PIK3CB: variants seen among roughly 807,000 people sequenced by gnomAD.
PIK3CB encodes the protein phosphatidylinositol 4,5-bisphosphate 3-kinase catalytic subunit beta isoform.
A neutral mutation model predicts 136.8 loss-of-function variants in PIK3CB; 39 were observed. The ratio of observed to expected loss-of-function variants is 0.29; its 90% CI spans 0.22 to 0.37. The LOEUF (loss-of-function observed/expected upper bound fraction) is 0.37, where lower values mean the gene tolerates loss of function less well. Among genes scored for constraint, PIK3CB ranks in the 10% least tolerant of loss-of-function variants. The pLI is 1.00. For synonymous variants in PIK3CB, 428 were observed against 436.6 expected, an observed-to-expected ratio of 0.98 and a Z score of 0.25; for missense variants, 868 against 1,275.4, an observed-to-expected ratio of 0.68 and a Z score of 4.87.
At chr3:138,711,944 G>A (rs940265623) in intron 10 of PIK3CB, among the ~76,000 whole-genome samples, 1 of 150,502 alleles carries the variant, frequency 6.6e-6, no homozygotes, top group Non-Finnish European at 1.5e-5. Flanking sequence ...ACCTTGTCTC[G>A]ACAAAATAAA....
chr3:138,789,629 CCAT>C (rs1395438173), intron 2 of PIK3CB, among the ~76,000 whole-genome samples: 1 of 152,022 alleles, frequency 6.6e-6, no homozygotes, highest in Non-Finnish European at 1.5e-5. Context: ...ACCAGTGTCA[CCAT>C]CAACAGATAC....
Position 138,653,593 on chromosome 3 carries a change from G to A in PIK3CB, c.*1796C>T, listed in dbSNP as rs913733083. On this transcript the variant is annotated 3_prime_UTR_variant, in exon 24 of 24. Coordinates refer to ENST00000674063, the MANE Select transcript of PIK3CB (RefSeq NM_006219.3). ...TAGACAAAGATCTCTGAACAAACCT[G>A]TCCTTCCATAGTTCTATTCCTGGAA... 8.1e-5 allele frequency: 15 copies of A among 184,882 alleles called. No individual in the cohort carries two copies. Among genetic ancestry groups the A allele is most frequent in the African/African-American group, 3.3e-4 (14 of 42,630 alleles). 11.5% of individuals were successfully genotyped at this position (184,882 alleles called of 1,614,324 possible). A position where few individuals can be genotyped will look rare whatever the true frequency, so the allele number is the denominator to read the frequency against.
intron 7 of PIK3CB, among the ~76,000 whole-genome samples, chr3:138,734,411 GACATCAAA>G (rs2045057307): frequency 6.6e-6 from 1 of 151,992 alleles, no homozygotes; most frequent in African/African-American, 2.4e-5. Context: ...GGCAGAAAAA[GACATCAAA>G]AATATAAACG....
rs571226984 is a variant in PIK3CB at position 138,763,840 on chromosome 3, C to T, written c.-16-4481G>A. On this transcript the variant is annotated intron_variant, in intron 2 of 23. Coordinates refer to ENST00000674063, the MANE Select transcript of PIK3CB (RefSeq NM_006219.3). ...AAAATTTCTTGATGAAGGCCAGGCG[C>T]GCTGGCTCATGCCTGCAATCCCAGC... 5.9e-5 allele frequency among the ~76,000 whole-genome samples: 9 copies of T among 152,288 alleles called. No individual in the cohort carries two copies. The South Asian group carries it at 6.2e-4, about 11-fold the overall frequency.
intron 2 of PIK3CB, among the ~76,000 whole-genome samples, chr3:138,790,536 G>A (rs1379329996): frequency 6.6e-6 from 1 of 151,240 alleles, no homozygotes; most frequent in Non-Finnish European, 1.5e-5. Flanking sequence ...CGGGCACGGT[G>A]GCTCATGCCT....
intron 19 of PIK3CB, among the ~76,000 whole-genome samples, chr3:138,678,384 A>C (rs890189391): frequency 6.6e-6 from 1 of 152,174 alleles, no homozygotes; most frequent in Non-Finnish European, 1.5e-5. Context: ...TTTTTTAATA[A>C]GTAAGAATTT....
In PIK3CB at chr3:138,755,788, T is replaced by C. The variant is rs769280208; in HGVS notation, c.363A>G (p.Lys121=). Residue 121 remains lysine (K), a synonymous_variant, in exon 4 of 24, where the codon AAA becomes AAG. Transcript: ENST00000674063. ...TAAGGACTCCAATTTTTGAGTCTAATTTTTCCCCTGGGTCACAACTTCTTG... is the reference window on the plus strand; with the variant it reads ...TAAGGACTCCAATTTTTGAGTCTAACTTTTCCCCTGGGTCACAACTTCTTG... ...LVTRSCDPGE[K]LDSKIGVLIG... is the part of the protein sequence containing the mutation. 5 of 1,610,214 alleles carry C rather than the reference T, an allele frequency of 3.1e-6. No individual in the cohort carries two copies. The highest frequency in any genetic ancestry group is 4.2e-6 in the Non-Finnish European group (5 of 1,176,836).
chr3:138,810,037 C>T (rs917399282), intron 1 of PIK3CB, among the ~76,000 whole-genome samples: 1 of 152,126 alleles, frequency 6.6e-6, no homozygotes, highest in African/African-American at 2.4e-5. Flanking sequence ...CACGAACACA[C>T]ACACACAATG....
intron 3 of PIK3CB, among the ~76,000 whole-genome samples, chr3:138,756,927 C>T (rs188475255): frequency 6.6e-6 from 1 of 152,170 alleles, no homozygotes; most frequent in African/African-American, 2.4e-5. Flanking sequence ...ATTTGCAAAT[C>T]ATATATATCT....
rs1273439769 is a variant in PIK3CB at position 138,714,862 on chromosome 3, C to T, written c.1051-143G>A. ...GGAACATACTGGAAGAAGAAACATG[C>T]CAAGTTTTAGAAAGCCTACTTGTCT... On this transcript the variant is annotated intron_variant, in intron 8 of 23. Coordinates refer to ENST00000674063, the MANE Select transcript of PIK3CB (RefSeq NM_006219.3). 17 of 747,830 alleles carry T rather than the reference C, an allele frequency of 2.3e-5. No individual in the cohort carries two copies. The Admixed American group carries it at 3.7e-4, about 16-fold the overall frequency. 46.3% of individuals were successfully genotyped at this position (747,830 alleles called of 1,614,324 possible).
rs527440949 is a variant in PIK3CB, at chr3:138,672,043, C to T, written c.2505-6840G>A. Among the ~76,000 whole-genome samples the T allele has an allele frequency of 2.6e-5, 4 of 151,202 alleles. No individual in the cohort carries two copies. The South Asian group carries it at 8.3e-4, about 32-fold the overall frequency. Reference sequence around the variant, plus strand: ...TTGGTACTGTGGTGTGCCTGGGGATCTAACAAAGGCAAAAAGGAAAAAAAA... The same window carrying T: ...TTGGTACTGTGGTGTGCCTGGGGATTTAACAAAGGCAAAAAGGAAAAAAAA... On this transcript the variant is annotated intron_variant, in intron 19 of 23. Coordinates refer to ENST00000674063, the MANE Select transcript of PIK3CB (RefSeq NM_006219.3).
chr3:138,821,121 C>T (rs746964006), intron 1 of PIK3CB, among the ~76,000 whole-genome samples: 6 of 150,288 alleles, frequency 4.0e-5, no homozygotes, highest in Non-Finnish European at 7.4e-5. Flanking sequence ...CCCGTCTGTA[C>T]TAAAAATATA....
intron 19 of PIK3CB, among the ~76,000 whole-genome samples, 160 bp from the exon 20 acceptor site, chr3:138,665,363 G>T (rs1015832861): frequency 6.6e-6 from 1 of 152,064 alleles, no homozygotes; most frequent in African/African-American, 2.4e-5. Flanking sequence ...TCCACCAAAG[G>T]AGTAAATCTC....
chr3:138,744,616 T>C (rs948766907), intron 4 of PIK3CB, among the ~76,000 whole-genome samples: 1 of 152,066 alleles, frequency 6.6e-6, no homozygotes, highest in Non-Finnish European at 1.5e-5. Context: ...TCTGACTTCT[T>C]TGCTTTTTCT....
At chr3:138,751,784 A>C (rs142921433) in intron 4 of PIK3CB, among the ~76,000 whole-genome samples, 65 of 152,152 alleles carry the variant, frequency 4.3e-4, no homozygotes, top group African/African-American at 1.6e-3. Flanking sequence ...CAGCCTAGCC[A>C]ATGTGGCAAA....
intron 23 of PIK3CB, 32 bp from the exon 24 acceptor site, chr3:138,655,558 A>G: frequency 1.3e-6 from 2 of 1,567,100 alleles, no homozygotes; most frequent in Non-Finnish European, 1.8e-6. Flanking sequence ...ATGATTTTAT[A>G]TAACTTTAGT....
At position 138,828,055 on chromosome 3, in the gene PIK3CB, T is replaced by C. The variant is rs562422997; in HGVS notation, c.-122+6640A>G. On this transcript the variant is annotated intron_variant, in intron 1 of 23. Transcript: ENST00000674063. Reference sequence around the variant, plus strand: ...ATAACTCTAGGGTCTCTGGTTACTGTCTAATTTGCCCAAATCCGGAACCAA... The same window carrying C: ...ATAACTCTAGGGTCTCTGGTTACTGCCTAATTTGCCCAAATCCGGAACCAA... Among the ~76,000 whole-genome samples the C allele has an allele frequency of 9.2e-5, 14 of 152,176 alleles. No individual in the cohort carries two copies. In the East Asian group the frequency reaches 1.5e-3, roughly 17 times the overall value.
chr3:138,753,668 T>G (rs1362416776), intron 4 of PIK3CB, among the ~76,000 whole-genome samples: 1 of 151,758 alleles, frequency 6.6e-6, no homozygotes, highest in Non-Finnish European at 1.5e-5. Context: ...TACATGGGCA[T>G]GGTGGCATAT....
At chr3:138,758,437 A>T (rs1325160607) in intron 3 of PIK3CB, among the ~76,000 whole-genome samples, 1 of 152,260 alleles carries the variant, frequency 6.6e-6, no homozygotes, top group Non-Finnish European at 1.5e-5. Flanking sequence ...TGTGAAGTAT[A>T]GCCATAGGAA....
Sources: allele counts gnomAD v4.1 joint callset (sites outside exome capture counted in the v4.1 genomes callset), GRCh38; gene constraint gnomAD v4.1.1; transcripts MANE v1.5; gene names NCBI Gene and HGNC (gene_info 2026-07-23, HGNC 2026-07-21).